Variants in SLC25A39 observed in about 807,000 individuals in gnomAD.
SLC25A39 encodes the protein mitochondrial glutathione transporter SLC25A39.
In SLC25A39, 44 loss-of-function variants were observed where a neutral mutation model predicts 46.6. The ratio of observed to expected loss-of-function variants is 0.94; its 90% CI spans 0.74 to 1.21. SLC25A39 has a LOEUF of 1.21. SLC25A39 is among the 50% of genes most tolerant of loss of function. The pLI is 0.00. For missense variants in SLC25A39, 487 were observed against 473.0 expected, an observed-to-expected ratio of 1.03 and a Z score of -0.28; for synonymous variants, 218 against 190.6, an observed-to-expected ratio of 1.14 and a Z score of -1.19.
Position 44,322,924 on chromosome 17 carries a change from TTTTTA to T in SLC25A39, c.146-77_146-73del, listed in dbSNP as rs372852654. 7.0e-5 allele frequency: 106 copies of T among 1,516,838 alleles called. 1 individual carries two copies. In the African/African-American group the frequency reaches 1.2e-3, roughly 17 times the overall value. 94.0% of individuals were successfully genotyped at this position (1,516,838 alleles called of 1,614,324 possible). ...CTAGGGACCCCATCTCTGGGAGATC[TTTTTA>T]TTTTATTTTTTGAGATGGAGTCTTG... On this transcript the variant is annotated intron_variant, in intron 3 of 11. Transcript: ENST00000377095.
chr17:44,321,021 G>A (rs2048012586), intron 8 of SLC25A39, 37 bp downstream of exon 8: 1 of 1,549,980 alleles, frequency 6.5e-7, no homozygotes, highest in South Asian at 1.2e-5. Context: ...ATCACCCCAG[G>A]GTTCCCTCAC....
At chr17:44,322,971 G>A (rs2048101053) in intron 3 of SLC25A39, 119 bp from the exon 4 acceptor site, 1 of 1,079,758 alleles carries the variant, frequency 9.3e-7, no homozygotes, top group Non-Finnish European at 1.4e-6. Flanking sequence ...CGCCCACCCT[G>A]GAGCATAGTG....
intron 4 of SLC25A39, 47 bp from the exon 5 acceptor site, chr17:44,322,599 G>A: frequency 6.3e-7 from 1 of 1,599,222 alleles, no homozygotes; most frequent in Non-Finnish European, 8.5e-7. Context: ...CTAGAACCTT[G>A]CAGGGAGGCA....
chr17:44,323,990 T>C (rs1487408707), intron 1 of SLC25A39: 2 of 205,104 alleles, frequency 9.8e-6, no homozygotes, highest in Admixed American at 5.4e-5. Context: ...AAACATCTGT[T>C]GCCTCAACAA....
intron 8 of SLC25A39, 62 bp from the exon 9 acceptor site, chr17:44,320,793 C>A: frequency 1.5e-6 from 2 of 1,298,242 alleles, no homozygotes; most frequent in South Asian, 2.5e-5. Flanking sequence ...CCAGACCGTC[C>A]ACCTTTCACT....
chr17:44,322,573 T>G, intron 4 of SLC25A39, 21 bp from the exon 5 acceptor site: 1 of 1,612,352 alleles, frequency 6.2e-7, no homozygotes, highest in Non-Finnish European at 8.5e-7. Flanking sequence ...GCAGGGGGCA[T>G]TATAATGACA....
rs369518388 is a variant in SLC25A39 at position 44,322,422 on chromosome 17, G to T, written c.321C>A (p.Thr107=). 6 of 1,613,972 alleles carry T rather than the reference G, an allele frequency of 3.7e-6. No homozygotes were observed. Among genetic ancestry groups the T allele is most frequent in the Non-Finnish European group, 5.1e-6 (6 of 1,180,018 alleles). The stretch of plus-strand genomic sequence containing the variant: ...TACGGACCCAGCTGCTCCTCACCAT[G>T]GTGCCAGTGAAGCGGGTAGGGTCTT... The part of the protein sequence containing the change: ...WFQDPTRFTG[T]MDAFVKIVRH... The change falls in exon 5 of 12, where the codon ACC becomes ACA. Residue 107 remains threonine, a synonymous_variant. Transcript: ENST00000377095.
At chr17:44,323,102 T>A (rs1330365760) in intron 3 of SLC25A39, among the ~76,000 whole-genome samples, 182 bp downstream of exon 3, 2 of 152,140 alleles carry the variant, frequency 1.3e-5, no homozygotes, top group Non-Finnish European at 2.9e-5. Flanking sequence ...TTTGTAGTTT[T>A]AGTAGTGAGA....
rs2143170434 is a variant in SLC25A39, at chr17:44,322,826, T to C, written c.172A>G (p.Ser58Gly). 1.2e-6 allele frequency: 2 copies of C among 1,614,028 alleles called. No homozygotes were observed. Among genetic ancestry groups the C allele is most frequent in the East Asian group, 4.5e-5 (2 of 44,888 alleles). The part of the protein sequence containing the change: ...SELMPSSRLW[S>G]LSYTKLPSSL... The stretch of plus-strand genomic sequence containing the variant: ...CACTCACATTTGGTATAGGAGAGGC[T>C]CCACAGTCTGGAGGAAGGCATCAGC... Residue 58 changes from serine (S) to glycine (G), a missense_variant, in exon 4 of 12, where the codon AGC becomes GGC. By Grantham distance (56) the Ser-to-Gly change is moderately conservative (BLOSUM62 0). Transcript: ENST00000377095.
chr17:44,320,523 C>T (rs1409078968), intron 9 of SLC25A39, 87 bp from the exon 10 acceptor site: 1 of 1,584,360 alleles, frequency 6.3e-7, no homozygotes, highest in Non-Finnish European at 8.7e-7. Context: ...CTGGGAGGGA[C>T]AAAGGCCTCA....
Position 44,319,937 on chromosome 17 carries a change from C to A in SLC25A39, c.*64G>T, listed in dbSNP as rs907037554. ...TCAGTGCTGAGGAAAAGGCACTTGG[C>A]TGGGTCTCCTCCTGCCCTCTCCCCA... On this transcript the variant is annotated 3_prime_UTR_variant, in exon 12 of 12. Coordinates refer to ENST00000377095, the MANE Select transcript of SLC25A39 (RefSeq NM_001143780.3). The A allele has an allele frequency of 1.5e-5, 22 of 1,516,682 alleles. No homozygotes were observed. In the Middle Eastern group the frequency reaches 7.0e-4, roughly 49 times the overall value. 94.0% of individuals were successfully genotyped at this position (1,516,682 alleles called of 1,614,324 possible). A position where few individuals can be genotyped will look rare whatever the true frequency, so the allele number is the denominator to read the frequency against.
intron 1 of SLC25A39, chr17:44,324,329 ACGGC>A (rs1196495673): frequency 2.6e-5 from 4 of 152,376 alleles, no homozygotes; most frequent in African/African-American, 9.7e-5. Flanking sequence ...GCGTGGAGGG[ACGGC>A]CGGGCATCGA....
chr17:44,320,123 T>C lies in SLC25A39; in HGVS notation c.965-7A>G, dbSNP rs776030320. The C allele has an allele frequency of 1.4e-5, 22 of 1,613,722 alleles. No individual in the cohort carries two copies. The highest frequency in any genetic ancestry group is 1.7e-5 in the Admixed American group (1 of 59,996). On this transcript the variant is annotated splice_region_variant and splice_polypyrimidine_tract_variant and intron_variant, in intron 11 of 11. Coordinates refer to ENST00000377095, the MANE Select transcript of SLC25A39 (RefSeq NM_001143780.3). ...ATGATCCGAGGAAGGAAGCCTGCAG[T>C]GGAAAGGAGGCCCGTGTCAGGGGTC...
intron 6 of SLC25A39, 67 bp from the exon 7 acceptor site, chr17:44,321,625 C>A (rs1035103740): frequency 3.1e-6 from 5 of 1,607,342 alleles, no homozygotes; most frequent in Non-Finnish European, 4.3e-6. Context: ...CATCACCTGC[C>A]CCACCTAGCC....
At position 44,323,479 on chromosome 17, in the gene SLC25A39, G is replaced by A. The variant is rs964618142; in HGVS notation, c.84C>T (p.Phe28=). The A allele has an allele frequency of 6.8e-5, 92 of 1,343,462 alleles. No individual in the cohort carries two copies. Among genetic ancestry groups the A allele is most frequent in the Non-Finnish European group, 8.7e-5 (88 of 1,016,108 alleles). 83.2% of individuals were successfully genotyped at this position (1,343,462 alleles called of 1,614,324 possible). The change falls in exon 2 of 12, where the codon TTC becomes TTT. Residue 28 remains phenylalanine (F), a splice_region_variant and synonymous_variant. Transcript: ENST00000377095. ...CACCCCACCTCCCCTAGGTCTTACT[G>A]AAGAGAGAGGTAACCACAGCCCCGG... is the stretch of plus-strand genomic sequence containing the variant. ...SGTGAVVTSL[F]MTPLDVVKVR...
chr17:44,323,740 C>G (rs2048137249), intron 1 of SLC25A39, 163 bp from the exon 2 acceptor site: 1 of 596,296 alleles, frequency 1.7e-6, no homozygotes, highest in South Asian at 2.1e-5. Flanking sequence ...CACCCCCGTT[C>G]AAGCGGTTCT....
In SLC25A39 at chr17:44,322,660, G is replaced by A. The variant is rs1446694403; in HGVS notation, c.191-108C>T. 32 of 1,559,986 alleles carry A rather than the reference G, an allele frequency of 2.1e-5. No homozygotes were observed. The Admixed American group carries it at 6.0e-4, about 29-fold the overall frequency. On this transcript the variant is annotated intron_variant, in intron 4 of 11. Coordinates refer to ENST00000377095, the MANE Select transcript of SLC25A39 (RefSeq NM_001143780.3). Reference sequence around the variant, plus strand: ...GTAAAGGCCAGGTCCCTGTGTGGATGTTCTGGTGCAGGTCACAGGACTGGC... The same window carrying A: ...GTAAAGGCCAGGTCCCTGTGTGGATATTCTGGTGCAGGTCACAGGACTGGC...
At position 44,323,585 on chromosome 17, in the gene SLC25A39, C is replaced by G; in HGVS notation, c.-15-8G>C. The G allele has an allele frequency of 6.4e-7, 1 of 1,552,498 alleles. No homozygotes were observed. Among genetic ancestry groups the G allele is most frequent in the South Asian group, 1.2e-5 (1 of 84,122 alleles). ...CATCTTGAAGCTTCAGTCCTGAAAA[C>G]CAAACCTCAAACAGACCACAACTCC... On this transcript the variant is annotated splice_region_variant and splice_polypyrimidine_tract_variant and intron_variant, in intron 1 of 11. Coordinates refer to ENST00000377095, the MANE Select transcript of SLC25A39 (RefSeq NM_001143780.3).
At chr17:44,323,434 G>GCGCCC in intron 2 of SLC25A39, 44 bp downstream of exon 2, 2 of 1,367,928 alleles carry the variant, frequency 1.5e-6, no homozygotes, top group African/African-American at 1.5e-5. Context: ...TCTCCGGTCT[G>GCGCCC]CCCCATCCCC....
Sources: gnomAD v4.1 joint callset for allele counts (sites outside exome capture counted in the v4.1 genomes callset) on GRCh38, gnomAD v4.1.1 for gene constraint, MANE v1.5 for transcripts, NCBI Gene and HGNC (gene_info 2026-07-23, HGNC 2026-07-21) for gene names.